ATXN7: variants seen among roughly 807,000 people sequenced by gnomAD.
The protein encoded by ATXN7 is ataxin 7.
In ATXN7, 12 loss-of-function variants were observed where a neutral mutation model predicts 70.5. The observed-to-expected ratio is 0.17, with a 90% CI of 0.11 to 0.28. ATXN7 has a LOEUF of 0.28. ATXN7 is among the 10% of genes least tolerant of loss of function. The pLI is 1.00. For missense variants in ATXN7, 1,256 were observed against 1,131.7 expected (o/e 1.11, Z -1.58); for synonymous variants, 498 against 448.7 (o/e 1.11, Z -1.39).
chr3:63,923,001 A>G (rs1427472685), intron 4 of ATXN7, among the ~76,000 whole-genome samples: 2 of 152,230 alleles, frequency 1.3e-5, no homozygotes, highest in Non-Finnish European at 2.9e-5. Context: ...TACTTTGGGC[A>G]GTTACTGGTA....
At chr3:63,901,457 T>C (rs1056695029) in intron 2 of ATXN7, 4 of 152,232 alleles carry the variant, frequency 2.6e-5, no homozygotes, top group Non-Finnish European at 5.9e-5. Context: ...TCTCTACTTC[T>C]ATGAATTCAA....
At chr3:63,975,776 T>C (rs796532952) in intron 5 of ATXN7, among the ~76,000 whole-genome samples, 7 of 152,174 alleles carry the variant, frequency 4.6e-5, no homozygotes, top group Non-Finnish European at 5.9e-5. Flanking sequence ...ACTACTAATA[T>C]CCTGTCCTTG....
At chr3:63,928,352 A>T (rs889514294) in intron 4 of ATXN7, among the ~76,000 whole-genome samples, 2 of 152,230 alleles carry the variant, frequency 1.3e-5, no homozygotes, top group South Asian at 4.1e-4. Flanking sequence ...ATAGATGGCA[A>T]TCAAGAATTA....
chr3:63,902,811 A>C (rs1703693532), intron 2 of ATXN7, among the ~76,000 whole-genome samples: 1 of 152,174 alleles, frequency 6.6e-6, no homozygotes, highest in East Asian at 1.9e-4. Context: ...ACAATCTCAC[A>C]AAAGTTTCAA....
At chr3:63,939,609 A>G (rs988059043) in intron 4 of ATXN7, among the ~76,000 whole-genome samples, 1 of 152,356 alleles carries the variant, frequency 6.6e-6, no homozygotes, top group Non-Finnish European at 1.5e-5. Context: ...CTTGTTTAGA[A>G]TTGTGCAAAT....
chr3:63,883,778 A>G (rs573563118), intron 1 of ATXN7, among the ~76,000 whole-genome samples: 3 of 152,258 alleles, frequency 2.0e-5, no homozygotes, highest in African/African-American at 4.8e-5. Context: ...AGAAAATAGG[A>G]TACCTTATTG....
Position 63,952,438 on chromosome 3 carries a change from G to C in ATXN7, c.454G>C (p.Asp152His). ...TGATTTCTACTTGGTGGTGTGTAACGACTGTAATCAGGTTGTCAAACCGCA... is the reference window on the plus strand; with the variant it reads ...TGATTTCTACTTGGTGGTGTGTAACCACTGTAATCAGGTTGTCAAACCGCA... ...HDDFYLVVCN[D>H]CNQVVKPQAF... The change falls in exon 5 of 13, where the codon GAC becomes CAC. Residue 152 changes from aspartate (D) to histidine (H), a missense_variant. Coordinates refer to ENST00000674280, the MANE Select transcript of ATXN7 (RefSeq NM_001377405.1). 1 of 1,612,408 alleles carries C rather than the reference G, an allele frequency of 6.2e-7. No individual in the cohort carries two copies. The highest frequency in any genetic ancestry group is 8.5e-7 in the Non-Finnish European group (1 of 1,179,566).
chr3:63,948,574 T>C (rs1334878026), intron 4 of ATXN7, among the ~76,000 whole-genome samples: 1 of 152,126 alleles, frequency 6.6e-6, no homozygotes, highest in African/African-American at 2.4e-5. Context: ...TGCAGTGCCA[T>C]TCAGGTTTTC....
intron 4 of ATXN7, among the ~76,000 whole-genome samples, chr3:63,941,058 A>G (rs2074755502): frequency 6.6e-6 from 1 of 152,080 alleles, no homozygotes; most frequent in Non-Finnish European, 1.5e-5. Context: ...GGATTTTGAT[A>G]TTTGCCTACT....
chr3:63,999,483 C>G lies in ATXN7; in HGVS notation c.*16C>G. The G allele has an allele frequency of 6.2e-7, 1 of 1,613,832 alleles. No individual in the cohort carries two copies. The highest frequency in any genetic ancestry group is 1.1e-5 in the South Asian group (1 of 90,986). ...ACGTCCCTGACAGCTGAAAATAGCA[C>G]GGGGAGGAATAATGCGGACACTTTT... On this transcript the variant is annotated 3_prime_UTR_variant, in exon 13 of 13. Coordinates refer to ENST00000674280, the MANE Select transcript of ATXN7 (RefSeq NM_001377405.1).
At chr3:63,976,118 T>C (rs903010202) in intron 5 of ATXN7, among the ~76,000 whole-genome samples, 3 of 152,202 alleles carry the variant, frequency 2.0e-5, no homozygotes, top group African/African-American at 4.8e-5. Context: ...GTCCACTTAA[T>C]ATAGGGTCCC....
At chr3:63,955,269 A>G (rs1362347903) in intron 5 of ATXN7, among the ~76,000 whole-genome samples, 1 of 152,168 alleles carries the variant, frequency 6.6e-6, no homozygotes, top group Non-Finnish European at 1.5e-5. Flanking sequence ...GATATGAGAG[A>G]GGAGAGTTCC....
intron 4 of ATXN7, among the ~76,000 whole-genome samples, chr3:63,938,896 A>G (rs2074708543): frequency 6.6e-6 from 1 of 152,256 alleles, no homozygotes; most frequent in African/African-American, 2.4e-5. Flanking sequence ...AGTTTCAGAT[A>G]TTAATGCATG....
upstream of ATXN7, chr3:63,863,786 C>A: frequency 8.0e-7 from 1 of 1,252,018 alleles, no homozygotes; most frequent in Non-Finnish European, 9.9e-7. Context: ...AGTCACGGCT[C>A]CCATGGCGTG....
intron 4 of ATXN7, among the ~76,000 whole-genome samples, chr3:63,933,818 G>C (rs537356913): frequency 2.6e-5 from 4 of 152,220 alleles, no homozygotes; most frequent in African/African-American, 9.6e-5. Context: ...GGCAATAAAG[G>C]GGTGCGCAGT....
At chr3:63,929,251 C>G (rs990093495) in intron 4 of ATXN7, among the ~76,000 whole-genome samples, 1 of 150,438 alleles carries the variant, frequency 6.6e-6, no homozygotes. Flanking sequence ...ATCTAGGAAG[C>G]TTTCTCTCTC....
chr3:63,986,331 G>C (rs778598635), intron 8 of ATXN7, among the ~76,000 whole-genome samples: 1 of 152,130 alleles, frequency 6.6e-6, no homozygotes, highest in Admixed American at 6.5e-5. Flanking sequence ...AACCCCTATC[G>C]GATTTCTGTT....
At chr3:63,913,331 C>G in intron 4 of ATXN7, 106 bp downstream of exon 4, 7 of 1,202,028 alleles carry the variant, frequency 5.8e-6, no homozygotes, top group Non-Finnish European at 8.3e-6. Flanking sequence ...CCCCGACTCC[C>G]CGTGCCTGCG....
Position 63,945,015 on chromosome 3 carries a change from C to T in ATXN7, c.395-7364C>T, listed in dbSNP as rs147650262. 6.0e-3 allele frequency among the ~76,000 whole-genome samples: 907 copies of T among 152,358 alleles called. 12 individuals carry two copies. Among genetic ancestry groups the T allele is most frequent in the African/African-American group, 0.019 (790 of 41,586 alleles). On this transcript the variant is annotated intron_variant, in intron 4 of 12. Transcript: ENST00000674280. The stretch of plus-strand genomic sequence containing the variant: ...CCATGTTGGCCAGGGTGGTCTCAAA[C>T]TCCTGACCTTAAGTGATCCACCCAC...
Sources: allele counts gnomAD v4.1 joint callset (sites outside exome capture counted in the v4.1 genomes callset), GRCh38; gene constraint gnomAD v4.1.1; transcripts MANE v1.5; gene names NCBI Gene and HGNC (gene_info 2026-07-23, HGNC 2026-07-21).